The following ARID1B variants were observed in gnomAD, a reference collection of about 807,000 sequenced individuals.
ARID1B encodes the protein AT-rich interaction domain 1B, also known as AT-rich interactive domain-containing protein 1B.
A neutral mutation model predicts 212.3 loss-of-function variants in ARID1B; 30 were observed. The ratio of observed to expected loss-of-function variants is 0.14; its 90% confidence interval spans 0.11 to 0.19. ARID1B has a LOEUF of 0.19. Ranked by LOEUF, ARID1B falls within the 10% of genes least tolerant of loss-of-function variation. The probability of loss-of-function intolerance (pLI) is 1.00; values close to 1 mark genes in which losing one functional copy is unlikely to be tolerated. For synonymous variants in ARID1B, 1,402 were observed against 1,301.7 expected (o/e 1.08, Z -1.66); for missense variants, 2,891 against 3,204.0 (o/e 0.90, Z 2.36).
intron 4 of ARID1B, among the ~76,000 whole-genome samples, chr6:157,015,087 A>G (rs56164913): frequency 6.6e-6 from 1 of 152,294 alleles, no homozygotes; most frequent in African/African-American, 2.4e-5. Context: ...TTTTCACACA[A>G]TGCCCTGCAC....
intron 2 of ARID1B, among the ~76,000 whole-genome samples, chr6:156,895,735 TAC>T (rs79108130): frequency 0.074 from 11,102 of 150,072 alleles, 1,286 homozygotes; most frequent in African/African-American, 0.25. Flanking sequence ...TACAGGTGTA[TAC>T]ACACACACAC....
At chr6:156,873,250 G>A (rs1407060316) in intron 2 of ARID1B, among the ~76,000 whole-genome samples, 1 of 152,112 alleles carries the variant, frequency 6.6e-6, no homozygotes, top group African/African-American at 2.4e-5. Flanking sequence ...ATTAATCACA[G>A]GTTAGTTTAT....
At chr6:157,177,411 C>T (rs961110172) in intron 11 of ARID1B, among the ~76,000 whole-genome samples, 5 of 152,148 alleles carry the variant, frequency 3.3e-5, no homozygotes, top group South Asian at 4.1e-4. Context: ...TCTGAGATGC[C>T]GCTTCAATTT....
intron 8 of ARID1B, among the ~76,000 whole-genome samples, chr6:157,158,583 A>T (rs1240415235): frequency 6.6e-6 from 1 of 152,156 alleles, no homozygotes; most frequent in Non-Finnish European, 1.5e-5. Context: ...ACCTACTCTG[A>T]GTATTGCTGG....
intron 2 of ARID1B, among the ~76,000 whole-genome samples, chr6:156,838,709 TATAATAATA>T (rs35310749): frequency 4.8e-5 from 7 of 145,862 alleles, no homozygotes; most frequent in African/African-American, 1.3e-4. Flanking sequence ...GAACTTAAAG[TATAATAATA>T]ATAATAATAA....
At chr6:156,855,116 A>G (rs912235718) in intron 2 of ARID1B, among the ~76,000 whole-genome samples, 1 of 152,220 alleles carries the variant, frequency 6.6e-6, no homozygotes, top group African/African-American at 2.4e-5. Flanking sequence ...GTCTAAGTTA[A>G]CACGAAGAGA....
intron 2 of ARID1B, among the ~76,000 whole-genome samples, chr6:156,863,409 GAGA>G (rs1785470556): frequency 6.6e-6 from 1 of 152,160 alleles, no homozygotes; most frequent in South Asian, 2.1e-4. Flanking sequence ...TTGGATGGAA[GAGA>G]AGAATATGGA....
intron 13 of ARID1B, chr6:157,186,001 C>G (rs550848253): frequency 1.3e-5 from 2 of 153,432 alleles, no homozygotes; most frequent in African/African-American, 4.8e-5. Flanking sequence ...AACAAGCTGC[C>G]TGTGAACAGC....
In ARID1B at chr6:157,190,224, G is replaced by A; in HGVS notation, c.4231+14G>A. On this transcript the variant is annotated intron_variant, in intron 15 of 19. Coordinates refer to ENST00000636930, the MANE Select transcript of ARID1B (RefSeq NM_001374828.1). The surrounding 1 kb of genome is among the most constrained non-coding windows in gnomAD (Gnocchi z 4.6). ...GAATGAGAAAAGGTACGTGTAGAGG[G>A]GCCTCCACCCGGCCATGGACCAGTG... is the stretch of plus-strand genomic sequence containing the variant. The A allele has an allele frequency of 1.3e-6, 2 of 1,598,964 alleles. No individual in the cohort carries two copies. Among genetic ancestry groups the A allele is most frequent in the South Asian group, 2.2e-5 (2 of 89,344 alleles).
chr6:157,099,949 A>G (rs1396256245), intron 5 of ARID1B, among the ~76,000 whole-genome samples: 5 of 152,054 alleles, frequency 3.3e-5, no homozygotes, highest in Non-Finnish European at 7.4e-5. Flanking sequence ...GTGCCCATTT[A>G]TCTGTATTTT....
intron 4 of ARID1B, among the ~76,000 whole-genome samples, chr6:157,021,171 C>T (rs1018750035): frequency 2.6e-5 from 4 of 152,082 alleles, no homozygotes; most frequent in Non-Finnish European, 1.5e-5. Flanking sequence ...TTCAGGCCGC[C>T]AGCTCTCAGG....
intron 2 of ARID1B, among the ~76,000 whole-genome samples, chr6:156,837,383 G>A (rs1230813689): frequency 1.3e-5 from 2 of 152,160 alleles, no homozygotes; most frequent in Middle Eastern, 3.2e-3. Flanking sequence ...ACAACATTGG[G>A]ACAGATTATA....
intron 7 of ARID1B, among the ~76,000 whole-genome samples, chr6:157,145,468 G>A (rs757900134): frequency 3.9e-5 from 6 of 152,256 alleles, no homozygotes; most frequent in East Asian, 1.9e-4. Flanking sequence ...ACAGTGGCCC[G>A]TGCGTCGCCT....
intron 11 of ARID1B, among the ~76,000 whole-genome samples, chr6:157,177,856 T>C (rs1237164141): frequency 6.6e-6 from 1 of 152,168 alleles, no homozygotes; most frequent in Non-Finnish European, 1.5e-5. Flanking sequence ...AACCCGTCTT[T>C]CCGAAGGGCG....
intron 2 of ARID1B, among the ~76,000 whole-genome samples, chr6:156,883,092 A>G (rs1787229072): frequency 1.3e-5 from 2 of 152,124 alleles, no homozygotes. Flanking sequence ...ATAGTCAAGG[A>G]GTGTTTGTGA....
intron 2 of ARID1B, among the ~76,000 whole-genome samples, chr6:156,829,985 T>A (rs1783032484): frequency 6.6e-6 from 1 of 152,214 alleles, no homozygotes; most frequent in Non-Finnish European, 1.5e-5. Context: ...CTTGATGGGT[T>A]TTGTGTTTTT....
At chr6:157,145,059 T>C (rs986619675) in intron 7 of ARID1B, among the ~76,000 whole-genome samples, 3 of 152,138 alleles carry the variant, frequency 2.0e-5, no homozygotes, top group Non-Finnish European at 4.4e-5. Context: ...TGTTTCCTGT[T>C]CCCCTGTGTC....
rs540805493 is a variant in ARID1B, at chr6:156,857,694, T to C, written c.1986+28273T>C. Among the ~76,000 whole-genome samples the C allele has an allele frequency of 8.5e-5, 13 of 152,364 alleles. No individual in the cohort carries two copies. In the Middle Eastern group the frequency reaches 0.01, roughly 120 times the overall value. On this transcript the variant is annotated intron_variant, in intron 2 of 19. Transcript: ENST00000636930. Reference sequence around the variant, plus strand: ...ACTGGTATAGTAGTCAGTTTTGCATTGGAAATATACAGTCATGTTGCTTAA... The same window carrying C: ...ACTGGTATAGTAGTCAGTTTTGCATCGGAAATATACAGTCATGTTGCTTAA...
intron 2 of ARID1B, among the ~76,000 whole-genome samples, chr6:156,887,129 A>G (rs1787568825): frequency 6.6e-6 from 1 of 152,192 alleles, no homozygotes; most frequent in African/African-American, 2.4e-5. Flanking sequence ...CAGGAAGGCG[A>G]CAGAAGACTC....
Sources: allele counts gnomAD v4.1 joint callset (sites outside exome capture counted in the v4.1 genomes callset), GRCh38; gene constraint gnomAD v4.1.1; non-coding constraint Gnocchi (gnomAD v3.1); transcripts MANE v1.5; gene names NCBI Gene and HGNC (gene_info 2026-07-23, HGNC 2026-07-21).